The following NRXN3 variants were observed in gnomAD, a reference collection of about 807,000 sequenced individuals.
The protein encoded by NRXN3 is neurexin III.
In NRXN3, 32 loss-of-function variants were observed where a neutral mutation model predicts 137.6. That is an observed-to-expected ratio of 0.23 (90% CI 0.18 to 0.31). The LOEUF (loss-of-function observed/expected upper bound fraction) is 0.31. Among genes scored for constraint, NRXN3 ranks in the 10% least tolerant of loss-of-function variants. The pLI, the probability that NRXN3 is intolerant of heterozygous loss-of-function variation, is 1.00. For missense variants in NRXN3, 1,574 were observed against 2,062.5 expected (o/e 0.76, Z 4.59); for synonymous variants, 798 against 784.5 (o/e 1.02, Z -0.29).
intron 15 of NRXN3, among the ~76,000 whole-genome samples, chr14:79,002,275 A>G (rs989583796): frequency 2.6e-5 from 4 of 152,200 alleles, no homozygotes; most frequent in Non-Finnish European, 5.9e-5. Flanking sequence ...ACATAGGTAA[A>G]CATATACTAC....
chr14:79,831,007 G>A (rs560222903), intron 20 of NRXN3, among the ~76,000 whole-genome samples: 1 of 152,132 alleles, frequency 6.6e-6, no homozygotes, highest in Non-Finnish European at 1.5e-5. Flanking sequence ...CCTTTAGGAG[G>A]TTCCAGTTCA....
At chr14:78,187,666 G>A (rs1410778032) in intron 1 of NRXN3, among the ~76,000 whole-genome samples, 4 of 150,834 alleles carry the variant, frequency 2.7e-5, no homozygotes, top group African/African-American at 5.0e-5. Context: ...AGCAGGCATG[G>A]AGATTTTCTT....
chr14:79,251,642 G>A (rs140204959), intron 15 of NRXN3, among the ~76,000 whole-genome samples: 51 of 152,168 alleles, frequency 3.4e-4, no homozygotes, highest in African/African-American at 1.2e-3. Flanking sequence ...ATCCATGGGA[G>A]GATTCACAGG....
At chr14:78,575,036 G>A (rs1242801454) in intron 4 of NRXN3, among the ~76,000 whole-genome samples, 2 of 152,144 alleles carry the variant, frequency 1.3e-5, no homozygotes, top group Non-Finnish European at 2.9e-5. Context: ...TTTCATGATA[G>A]TGAGTGAGTT....
intron 15 of NRXN3, among the ~76,000 whole-genome samples, chr14:79,358,068 C>T (rs527860611): frequency 6.6e-6 from 1 of 152,308 alleles, no homozygotes; most frequent in East Asian, 1.9e-4. Flanking sequence ...TGTGTAATCA[C>T]TCTTGTGGCA....
intron 4 of NRXN3, among the ~76,000 whole-genome samples, chr14:78,461,573 C>G (rs1398707577): frequency 6.6e-6 from 1 of 152,166 alleles, no homozygotes; most frequent in Non-Finnish European, 1.5e-5. Context: ...ACATTTGCCT[C>G]TCCCCTGGGG....
chr14:79,333,579 A>G (rs773466370), intron 15 of NRXN3, among the ~76,000 whole-genome samples: 20 of 152,164 alleles, frequency 1.3e-4, no homozygotes, highest in Non-Finnish European at 2.1e-4. Context: ...GTCCTTAGGC[A>G]ATAGTTTATG....
intron 16 of NRXN3, among the ~76,000 whole-genome samples, chr14:79,608,446 C>A (rs1249363625): frequency 6.6e-6 from 1 of 152,118 alleles, no homozygotes; most frequent in Non-Finnish European, 1.5e-5. Flanking sequence ...GGATTGATTT[C>A]TCTGGTGTTG....
At chr14:79,200,465 C>T (rs1296217544) in intron 15 of NRXN3, among the ~76,000 whole-genome samples, 1 of 152,038 alleles carries the variant, frequency 6.6e-6, no homozygotes, top group Non-Finnish European at 1.5e-5. Context: ...TCAGAACAGA[C>T]AGAGGACCTG....
chr14:78,287,341 T>C (rs1209635870), intron 3 of NRXN3, among the ~76,000 whole-genome samples: 8 of 152,170 alleles, frequency 5.3e-5, no homozygotes, highest in African/African-American at 1.9e-4. Flanking sequence ...AGCTGTGTAT[T>C]TTCTGGCCCC....
At chr14:78,833,357 A>G (rs1458488978) in intron 10 of NRXN3, among the ~76,000 whole-genome samples, 1 of 152,102 alleles carries the variant, frequency 6.6e-6, no homozygotes. Flanking sequence ...AGCTTTGTGA[A>G]GTTTACAGAC....
At chr14:78,355,494 C>A (rs1207447637) in intron 4 of NRXN3, among the ~76,000 whole-genome samples, 1 of 152,174 alleles carries the variant, frequency 6.6e-6, no homozygotes, top group African/African-American at 2.4e-5. Flanking sequence ...TGGCTCACTG[C>A]CACCTCCACC....
rs534753090 is a variant in NRXN3 at position 79,556,741 on chromosome 14, A to G, written c.3444+89339A>G. ...TGGATAAAAATTATTTTTTGTGTAAAGATGAGGTCTCACTATGTTGCCCAG... is the reference window on the plus strand; with the variant it reads ...TGGATAAAAATTATTTTTTGTGTAAGGATGAGGTCTCACTATGTTGCCCAG... On this transcript the variant is annotated intron_variant, in intron 16 of 20. Coordinates refer to ENST00000335750, the MANE Select transcript of NRXN3 (RefSeq NM_001330195.2). Among the ~76,000 whole-genome samples the G allele has an allele frequency of 2.0e-5, 3 of 152,236 alleles. No individual in the cohort carries two copies. The South Asian group carries it at 6.2e-4, about 32-fold the overall frequency.
At chr14:79,347,075 T>C (rs2092923217) in intron 15 of NRXN3, among the ~76,000 whole-genome samples, 1 of 152,152 alleles carries the variant, frequency 6.6e-6, no homozygotes, top group Admixed American at 6.5e-5. Context: ...TTAAATAATA[T>C]TTGAATGGGC....
chr14:79,768,201 C>T (rs976383875), intron 19 of NRXN3, among the ~76,000 whole-genome samples: 18 of 152,304 alleles, frequency 1.2e-4, no homozygotes, highest in South Asian at 8.3e-4. Context: ...GGGGGAGGGG[C>T]GCCTGCCATT....
intron 19 of NRXN3, among the ~76,000 whole-genome samples, chr14:79,795,700 C>T (rs1339273638): frequency 6.6e-6 from 1 of 152,168 alleles, no homozygotes; most frequent in Non-Finnish European, 1.5e-5. Flanking sequence ...CATTATATTA[C>T]ATGGCTGAGT....
chr14:79,722,916 A>G (rs1454453050), intron 19 of NRXN3, among the ~76,000 whole-genome samples: 2 of 152,184 alleles, frequency 1.3e-5, no homozygotes, highest in Non-Finnish European at 2.9e-5. Flanking sequence ...GAAATTATCA[A>G]TTAATTTCAG....
chr14:79,208,433 A>T (rs918948081), intron 15 of NRXN3, among the ~76,000 whole-genome samples: 18 of 152,218 alleles, frequency 1.2e-4, no homozygotes, highest in African/African-American at 4.3e-4. Flanking sequence ...GGGACAAATA[A>T]CATCTCACAC....
intron 16 of NRXN3, among the ~76,000 whole-genome samples, chr14:79,536,159 G>A (rs1246942425): frequency 6.6e-6 from 1 of 152,150 alleles, no homozygotes; most frequent in African/African-American, 2.4e-5. Flanking sequence ...AGAAATGTAG[G>A]ATCCATTTAT....
Sources: allele counts gnomAD v4.1 joint callset (sites outside exome capture counted in the v4.1 genomes callset), GRCh38; gene constraint gnomAD v4.1.1; transcripts MANE v1.5; gene names NCBI Gene and HGNC (gene_info 2026-07-23, HGNC 2026-07-21).